Variants in CBY1 observed in about 807,000 individuals in gnomAD.
CBY1 encodes the protein protein chibby homolog 1.
Under a neutral mutation model 15.6 loss-of-function variants are expected in CBY1, and 10 were observed. That is an observed-to-expected ratio of 0.64 (90% CI 0.40 to 1.09). The LOEUF is 1.09. Among genes scored for constraint, CBY1 ranks in the 50% least tolerant of loss-of-function variants. The pLI, the probability that CBY1 is intolerant of heterozygous loss-of-function variation, is 0.01. For missense variants in CBY1, 150 were observed against 160.5 expected, an observed-to-expected ratio of 0.93 and a Z score of 0.35; for synonymous variants, 61 against 63.5, an observed-to-expected ratio of 0.96 and a Z score of 0.19.
chr22:38,662,234 T>C (rs6519128), intron 1 of CBY1, among the ~76,000 whole-genome samples: 44,254 of 150,518 alleles, frequency 0.29, 6,588 homozygotes, highest in East Asian at 0.36. Flanking sequence ...CCTGGGAGGT[T>C]GAGGCTGCAG....
chr22:38,661,856 A>G (rs572081296), intron 1 of CBY1, among the ~76,000 whole-genome samples: 4 of 152,212 alleles, frequency 2.6e-5, no homozygotes, highest in African/African-American at 9.6e-5. Flanking sequence ...CTTTTATTTC[A>G]TAATGTAGTG....
At chr22:38,659,956 A>G (rs1235701759) in intron 1 of CBY1, among the ~76,000 whole-genome samples, 2 of 151,932 alleles carry the variant, frequency 1.3e-5, no homozygotes, top group Non-Finnish European at 2.9e-5. Flanking sequence ...TATCAACAAT[A>G]GAGAACATTG....
intron 1 of CBY1, among the ~76,000 whole-genome samples, chr22:38,659,754 C>T (rs890501019): frequency 3.4e-5 from 5 of 148,904 alleles, no homozygotes; most frequent in African/African-American, 1.2e-4. Flanking sequence ...CCCAGCTACT[C>T]GGGAGGCTGA....
At chr22:38,666,507 G>C (rs145037366) in intron 1 of CBY1, 42 of 152,162 alleles carry the variant, frequency 2.8e-4, no homozygotes, top group Admixed American at 1.2e-3. Flanking sequence ...GTACAGGTTG[G>C]GGGGGTGTTG....
intron 1 of CBY1, 55 bp from the exon 2 acceptor site, chr22:38,667,962 A>G (rs2092441634): frequency 1.1e-6 from 1 of 890,880 alleles, no homozygotes; most frequent in Non-Finnish European, 1.8e-6. Flanking sequence ...TTTGAAGACA[A>G]TGGCATAAGG....
chr22:38,670,703 T>A (rs2092449967), intron 2 of CBY1, 181 bp from the exon 3 acceptor site: 1 of 581,352 alleles, frequency 1.7e-6, no homozygotes, highest in African/African-American at 1.9e-5. Context: ...GTATATTTTT[T>A]ATCTCACAAT....
At chr22:38,662,599 T>C (rs1360853571) in intron 1 of CBY1, among the ~76,000 whole-genome samples, 1 of 151,980 alleles carries the variant, frequency 6.6e-6, no homozygotes, top group Non-Finnish European at 1.5e-5. Context: ...CAAGCAATCC[T>C]CCCACCTCTG....
chr22:38,665,960 C>CA (rs889499989), intron 1 of CBY1, among the ~76,000 whole-genome samples: 188 of 141,822 alleles, frequency 1.3e-3, no homozygotes, highest in South Asian at 3.4e-3. Context: ...GGCTCTGTCT[C>CA]AAAAAAAAAA....
intron 1 of CBY1, among the ~76,000 whole-genome samples, chr22:38,661,873 G>A (rs2092423130): frequency 6.6e-6 from 1 of 152,188 alleles, no homozygotes; most frequent in Admixed American, 6.5e-5. Flanking sequence ...AGTGAAGGAA[G>A]ACCTTACGCC....
chr22:38,662,070 G>A (rs887202300), intron 1 of CBY1, among the ~76,000 whole-genome samples: 20 of 152,280 alleles, frequency 1.3e-4, no homozygotes, highest in Non-Finnish European at 2.4e-4. Flanking sequence ...GAGAGGCCAA[G>A]TTGGGCCAGT....
At chr22:38,672,868 G>A (rs1466379814) in intron 4 of CBY1, among the ~76,000 whole-genome samples, 1 of 152,160 alleles carries the variant, frequency 6.6e-6, no homozygotes, top group Non-Finnish European at 1.5e-5. Context: ...ACAATCACCA[G>A]TATCTGCCTT....
At position 38,668,026 on chromosome 22, in the gene CBY1, G is replaced by C; in HGVS notation, c.-29G>C. On this transcript the variant is annotated 5_prime_UTR_variant, in exon 2 of 5. Transcript: ENST00000216029. ...CTTTTTCTGACCCTAGGAGAAGGGA[G>C]CACTGGCTTTGCTTTCATCAGGCCA... is the stretch of plus-strand genomic sequence containing the variant. 6.2e-7 allele frequency: 1 copy of C among 1,607,764 alleles called. No individual in the cohort carries two copies. Among genetic ancestry groups the C allele is most frequent in the Non-Finnish European group, 8.5e-7 (1 of 1,174,474 alleles).
At chr22:38,669,588 G>C (rs1473140660) in intron 2 of CBY1, 1 of 152,318 alleles carries the variant, frequency 6.6e-6, no homozygotes, top group East Asian at 1.9e-4. Flanking sequence ...ACAAAGCATA[G>C]GCCTGGGATG....
chr22:38,662,594 A>T (rs1448834711), intron 1 of CBY1, among the ~76,000 whole-genome samples: 5 of 152,010 alleles, frequency 3.3e-5, no homozygotes, highest in Non-Finnish European at 7.4e-5. Context: ...GGGCGCAAGC[A>T]ATCCTCCCAC....
chr22:38,659,128 G>A (rs1333840187), intron 1 of CBY1, among the ~76,000 whole-genome samples: 1 of 151,982 alleles, frequency 6.6e-6, no homozygotes, highest in Non-Finnish European at 1.5e-5. Context: ...TAGAAATGCG[G>A]TTTTGCCATG....
chr22:38,668,280 G>A (rs1290259813), intron 2 of CBY1, 148 bp downstream of exon 2: 14 of 567,594 alleles, frequency 2.5e-5, no homozygotes, highest in Admixed American at 9.5e-5. Context: ...AAACATTTTT[G>A]AACTCTTGTT....
chr22:38,661,468 A>G (rs2092422185), intron 1 of CBY1, among the ~76,000 whole-genome samples: 1 of 152,038 alleles, frequency 6.6e-6, no homozygotes, highest in East Asian at 1.9e-4. Context: ...GAGCCACTGT[A>G]TGATTGTTTT....
intron 4 of CBY1, among the ~76,000 whole-genome samples, chr22:38,672,269 A>T (rs2092454741): frequency 6.6e-6 from 1 of 151,736 alleles, no homozygotes. Flanking sequence ...CTTGGAAAAA[A>T]AAAAAAGAAA....
chr22:38,660,840 G>A (rs1217144536), intron 1 of CBY1, among the ~76,000 whole-genome samples: 1 of 151,926 alleles, frequency 6.6e-6, no homozygotes, highest in Non-Finnish European at 1.5e-5. Context: ...GGGTTCAAGC[G>A]ATTCTCCTGC....
Sources: gnomAD v4.1 joint callset for allele counts (sites outside exome capture counted in the v4.1 genomes callset) on GRCh38, gnomAD v4.1.1 for gene constraint, MANE v1.5 for transcripts, NCBI Gene and HGNC (gene_info 2026-07-23, HGNC 2026-07-21) for gene names.